The following OR2V2 variants were observed in gnomAD, a reference collection of about 807,000 sequenced individuals.
OR2V2 encodes the protein olfactory receptor 2V2.
For synonymous variants in OR2V2, 161 were observed against 151.3 expected (o/e 1.06, Z -0.47); for missense variants, 392 against 392.2 (o/e 1.00, Z 0.00).
chr5:181,148,221 C>G (rs191192515), intron 1 of OR2V2, among the ~76,000 whole-genome samples: 2 of 152,246 alleles, frequency 1.3e-5, no homozygotes, highest in African/African-American at 4.8e-5. Context: ...TTCCCTCTCT[C>G]GATCCTTGGT....
intron 1 of OR2V2, among the ~76,000 whole-genome samples, chr5:181,153,056 G>A (rs1401013520): frequency 6.6e-6 from 1 of 152,226 alleles, no homozygotes; most frequent in African/African-American, 2.4e-5. Context: ...GACGGTGCAG[G>A]CCCGGATGGC....
intron 1 of OR2V2, among the ~76,000 whole-genome samples, chr5:181,149,205 C>G (rs1423895645): frequency 6.6e-6 from 1 of 151,796 alleles, no homozygotes; most frequent in Admixed American, 6.6e-5. Flanking sequence ...TGTGGCCAGG[C>G]GGGGGCTGGC....
intron 1 of OR2V2, among the ~76,000 whole-genome samples, chr5:181,150,077 G>T (rs1283062839): frequency 6.6e-6 from 1 of 152,208 alleles, no homozygotes; most frequent in African/African-American, 2.4e-5. Context: ...CCAAGATGGT[G>T]TTTGAAGACT....
chr5:181,150,705 G>A (rs1186143791), intron 1 of OR2V2, among the ~76,000 whole-genome samples: 2 of 152,206 alleles, frequency 1.3e-5, no homozygotes, highest in Admixed American at 6.5e-5. Flanking sequence ...GCCAGGTGCA[G>A]TGGCTCACGC....
At chr5:181,154,520 G>T (rs6879420) in intron 1 of OR2V2, among the ~76,000 whole-genome samples, 4 of 151,238 alleles carry the variant, frequency 2.6e-5, no homozygotes, top group Non-Finnish European at 4.4e-5. Flanking sequence ...AACCCTGGAG[G>T]GGGAGGTTGC....
rs1225707087 is a variant in OR2V2 at position 181,157,554 on chromosome 5, T to C, written c.*1664T>C. The C allele has an allele frequency of 6.6e-6, 1 of 152,238 alleles. No individual in the cohort carries two copies. The highest frequency in any genetic ancestry group is 1.5e-5 in the Non-Finnish European group (1 of 68,058). 9.4% of individuals were successfully genotyped at this position (152,238 alleles called of 1,614,324 possible). On this transcript the variant is annotated 3_prime_UTR_variant, in exon 2 of 2. Coordinates refer to ENST00000641492, the MANE Select transcript of OR2V2 (RefSeq NM_206880.2). ...CTGAAAAGGTGTCTCCAAGGACTGG[T>C]GAAAATAGAAGTAACTTTCCTTAGT... is the stretch of plus-strand genomic sequence containing the variant.
At chr5:181,149,205 C>T (rs1423895645) in intron 1 of OR2V2, among the ~76,000 whole-genome samples, 3 of 151,796 alleles carry the variant, frequency 2.0e-5, no homozygotes, top group East Asian at 1.9e-4. Flanking sequence ...TGTGGCCAGG[C>T]GGGGGCTGGC....
rs1456571579 is a variant in OR2V2, at chr5:181,158,814, G to C, written c.*2924G>C. 2.9e-5 allele frequency: 4 copies of C among 138,960 alleles called. No homozygotes were observed. The highest frequency in any genetic ancestry group is 6.4e-5 in the Non-Finnish European group (4 of 62,954). The allele number at this position is 138,960 out of a possible 1,614,324, so 8.6% of individuals were successfully genotyped here. ...AATGCTCAAGGCCAGTTTTTTTTTTGCCAACTACCTTACCAAATCCTTTCC... is the reference window on the plus strand; with the variant it reads ...AATGCTCAAGGCCAGTTTTTTTTTTCCCAACTACCTTACCAAATCCTTTCC... On this transcript the variant is annotated 3_prime_UTR_variant, in exon 2 of 2. Transcript: ENST00000641492.
intron 1 of OR2V2, among the ~76,000 whole-genome samples, chr5:181,150,968 C>T (rs892055171): frequency 3.9e-5 from 6 of 152,198 alleles, no homozygotes; most frequent in South Asian, 2.1e-4. Flanking sequence ...CACCCTGTCT[C>T]GACAACAGGA....
In OR2V2 at chr5:181,158,876, G is replaced by A. The variant is rs1020189596; in HGVS notation, c.*2986G>A. ...CTGTTCATTTTATTGGGTGATTTTGGGGCATAGATGTGACAAATCTTCATT... is the reference window on the plus strand; with the variant it reads ...CTGTTCATTTTATTGGGTGATTTTGAGGCATAGATGTGACAAATCTTCATT... On this transcript the variant is annotated 3_prime_UTR_variant, in exon 2 of 2. Coordinates refer to ENST00000641492, the MANE Select transcript of OR2V2 (RefSeq NM_206880.2). 1 of 151,988 alleles carries A rather than the reference G, an allele frequency of 6.6e-6. No homozygotes were observed. The highest frequency in any genetic ancestry group is 1.5e-5 in the Non-Finnish European group (1 of 68,004). 9.4% of individuals were successfully genotyped at this position (151,988 alleles called of 1,614,324 possible). A position where few individuals can be genotyped will look rare whatever the true frequency, so the allele number is the denominator to read the frequency against.
chr5:181,149,006 C>T (rs966702584), intron 1 of OR2V2, among the ~76,000 whole-genome samples: 2 of 152,212 alleles, frequency 1.3e-5, no homozygotes, highest in African/African-American at 4.8e-5. Flanking sequence ...GAAAGGAGGT[C>T]TGGGTGATGA....
In OR2V2 at chr5:181,155,312, T is replaced by C. The variant is rs1235603432; in HGVS notation, c.370T>C (p.Tyr124His). Residue 124 changes from tyrosine to histidine, a missense_variant, in exon 2 of 2, where the codon TAT (tyrosine) becomes CAT (histidine). Physicochemically the swap from Tyr to His is moderately conservative, Grantham distance 83. Coordinates refer to ENST00000641492, the MANE Select transcript of OR2V2 (RefSeq NM_206880.2). ...GCTGGGACTCATGGCTTATGACCGC[T>C]ATGTGGCCATTAGCCACCCACTTCA... Reference protein sequence around the residue: ...LLLGLMAYDRYVAISHPLHYP... With the variant: ...LLLGLMAYDRHVAISHPLHYP... 1 of 1,614,198 alleles carries C rather than the reference T, an allele frequency of 6.2e-7. No individual in the cohort carries two copies. The highest frequency in any genetic ancestry group is 8.5e-7 in the Non-Finnish European group (1 of 1,180,024).
rs554661886 is a variant in OR2V2, at chr5:181,157,718, C to T, written c.*1828C>T. 8.5e-5 allele frequency: 13 copies of T among 152,250 alleles called. No individual in the cohort carries two copies. The East Asian group carries it at 2.3e-3, about 27-fold the overall frequency. The allele number at this position is 152,250 out of a possible 1,614,324, so 9.4% of individuals were successfully genotyped here. A position where few individuals can be genotyped will look rare whatever the true frequency, so the allele number is the denominator to read the frequency against. On this transcript the variant is annotated 3_prime_UTR_variant, in exon 2 of 2. Transcript: ENST00000641492. ...ATCAAATATCTTTCTGTGTATTCTC[C>T]TCATTTTCATCATATCTTTTTGCCT...
rs377759849 is a variant in OR2V2 at position 181,156,387 on chromosome 5, C to T, written c.*497C>T. On this transcript the variant is annotated 3_prime_UTR_variant, in exon 2 of 2. Transcript: ENST00000641492. ...CCTTCCAGAGTGCTGAGATTACAGG[C>T]GTGAGCCACCACGCACAGCCAACAT... is the stretch of plus-strand genomic sequence containing the variant. 137 of 154,856 alleles carry T rather than the reference C, an allele frequency of 8.8e-4. 1 individual carries two copies. In the South Asian group the frequency reaches 0.024, roughly 27 times the overall value. The allele number at this position is 154,856 out of a possible 1,614,324, so 9.6% of individuals were successfully genotyped here. A position where few individuals can be genotyped will look rare whatever the true frequency, so the allele number is the denominator to read the frequency against.
chr5:181,153,006 G>C lies in OR2V2; in HGVS notation c.-24-1913G>C, dbSNP rs556002290. 3.3e-5 allele frequency among the ~76,000 whole-genome samples: 5 copies of C among 152,374 alleles called. No individual in the cohort carries two copies. In the East Asian group the frequency reaches 9.6e-4, roughly 29 times the overall value. On this transcript the variant is annotated intron_variant, in intron 1 of 1. Coordinates refer to ENST00000641492, the MANE Select transcript of OR2V2 (RefSeq NM_206880.2). ...ACAAAGTTAAGGGAGGAAAAGCGGG[G>C]AAGCACTGCAGTGCTGCGCTACTTA...
chr5:181,154,752 G>C (rs149522621), intron 1 of OR2V2, among the ~76,000 whole-genome samples, 167 bp from the exon 2 acceptor site: 2 of 152,136 alleles, frequency 1.3e-5, no homozygotes, highest in Admixed American at 6.5e-5. Flanking sequence ...GAGCCAGGAG[G>C]GCCCCCACCG....
In OR2V2 at chr5:181,158,935, G is replaced by A. The variant is rs1763299395; in HGVS notation, c.*3045G>A. The A allele has an allele frequency of 6.6e-6, 1 of 152,076 alleles. No homozygotes were observed. 9.4% of individuals were successfully genotyped at this position (152,076 alleles called of 1,614,324 possible). ...TTAGGTCAATGTTTTGTGTGTGTGT[G>A]TGAATATAAAAAATTGCTTGAAGCC... On this transcript the variant is annotated 3_prime_UTR_variant, in exon 2 of 2. Transcript: ENST00000641492.
chr5:181,148,292 C>G (rs1222672380), intron 1 of OR2V2, among the ~76,000 whole-genome samples: 1 of 152,018 alleles, frequency 6.6e-6, no homozygotes, highest in Non-Finnish European at 1.5e-5. Context: ...GGCTCTAGGT[C>G]CCTGGGGTGG....
chr5:181,155,736 A>G lies in OR2V2; in HGVS notation c.794A>G (p.His265Arg). The G allele has an allele frequency of 1.2e-6, 2 of 1,614,176 alleles. No individual in the cohort carries two copies. The highest frequency in any genetic ancestry group is 1.1e-5 in the South Asian group (1 of 91,072). ...ATGTTCATCTACCTGAGGCCTAGGC[A>G]CTACCGGGCCCCCAGCCATGACAAG... ...AAMFIYLRPR[H>R]YRAPSHDKVA... Residue 265 changes from histidine to arginine, a missense_variant, in exon 2 of 2, where the codon CAC (histidine) becomes CGC (arginine). Physicochemically the swap from His to Arg is conservative, Grantham distance 29. Transcript: ENST00000641492.
Sources: allele counts gnomAD v4.1 joint callset (sites outside exome capture counted in the v4.1 genomes callset), GRCh38; gene constraint gnomAD v4.1.1; transcripts MANE v1.5; gene names NCBI Gene and HGNC (gene_info 2026-07-23, HGNC 2026-07-21).